The following ADAMTSL2 variants were observed in gnomAD, a reference collection of about 807,000 sequenced individuals.
ADAMTSL2 encodes the protein ADAMTS like 2.
In ADAMTSL2, 55 loss-of-function variants were observed where a neutral mutation model predicts 117.0. The observed-to-expected ratio is 0.47, with a 90% CI of 0.38 to 0.59. The LOEUF is 0.59. ADAMTSL2 is among the 20% of genes least tolerant of loss of function. The pLI is 0.00. For missense variants in ADAMTSL2, 1,182 were observed against 1,354.5 expected (o/e 0.87, Z 2.00); for synonymous variants, 572 against 566.4 (o/e 1.01, Z -0.14).
chr9:133,534,566 G>C (rs1000128646), upstream of ADAMTSL2: 2 of 1,039,846 alleles, frequency 1.9e-6, no homozygotes, highest in Non-Finnish European at 1.2e-6. Context: ...CGGCCTGGCC[G>C]GGCTCCAGAG....
At chr9:133,535,047 G>A in intron 1 of ADAMTSL2, 130 bp downstream of exon 1, 1 of 1,287,162 alleles carries the variant, frequency 7.8e-7, no homozygotes, top group South Asian at 2.4e-5. Context: ...GAGGCTTGTG[G>A]GGAGGGGTCG....
At chr9:133,533,155 G>A (rs1246373671), upstream of ADAMTSL2, among the ~76,000 whole-genome samples, 1 of 114,860 alleles carries the variant, frequency 8.7e-6, no homozygotes, top group African/African-American at 3.4e-5. Flanking sequence ...GACTGGGTGT[G>A]TGTGTGCCTG....
chr9:133,564,601 AGAGAGG>A lies in ADAMTSL2; in HGVS notation c.1748-2329_1748-2324del, dbSNP rs1285463603. 4.6e-4 allele frequency among the ~76,000 whole-genome samples: 22 copies of A among 47,350 alleles called. 2 individuals carry two copies. The highest frequency in any genetic ancestry group is 8.4e-4 in the Non-Finnish European group (19 of 22,750). 31.1% of individuals were successfully genotyped at this position (47,350 alleles called of 152,430 possible). A position where few individuals can be genotyped will look rare whatever the true frequency, so the allele number is the denominator to read the frequency against. On this transcript the variant is annotated intron_variant, in intron 12 of 18. Coordinates refer to ENST00000651351, the MANE Select transcript of ADAMTSL2 (RefSeq NM_014694.4). ...GAGAGAAGGAGAGAGAGAGGGGGAG[AGAGAGG>A]GAGAGAGAGAGAGAGAGGGAGAGAG...
chr9:133,560,284 C>T (rs952399708), intron 11 of ADAMTSL2, among the ~76,000 whole-genome samples: 1 of 152,176 alleles, frequency 6.6e-6, no homozygotes. Flanking sequence ...GCTGCACTGT[C>T]CAGTTTAAAA....
In ADAMTSL2 at chr9:133,554,814, C is replaced by G. The variant is rs1830569053; in HGVS notation, c.1276+121C>G. On this transcript the variant is annotated intron_variant, in intron 10 of 18. Transcript: ENST00000651351. This position sits in a 1 kb window ranked among gnomAD's most constrained non-coding sequence, Gnocchi z 5.2. ...AGAGGAGGTTCCTAAGAGCTGCCAGCTACCTGCAGATGTCCTCTGGGCAGG... is the reference window on the plus strand; with the variant it reads ...AGAGGAGGTTCCTAAGAGCTGCCAGGTACCTGCAGATGTCCTCTGGGCAGG... The G allele has an allele frequency of 8.0e-6, 7 of 879,720 alleles. No homozygotes were observed. The Admixed American group carries it at 1.5e-4, about 18-fold the overall frequency. 54.5% of individuals were successfully genotyped at this position (879,720 alleles called of 1,614,324 possible).
chr9:133,545,953 G>C (rs1427298646), intron 8 of ADAMTSL2, among the ~76,000 whole-genome samples: 1 of 152,040 alleles, frequency 6.6e-6, no homozygotes, highest in African/African-American at 2.4e-5. Context: ...GACATGTCCT[G>C]CTTGTTGCGT....
In ADAMTSL2 at chr9:133,568,677, C is replaced by A; in HGVS notation, c.2163C>A (p.Asp721Glu). Residue 721 changes from aspartate (D) to glutamate (E), a missense_variant, in exon 15 of 19, where the codon GAC (aspartate) becomes GAA (glutamate). Around this residue, in one of 3 missense-constraint regions of ADAMTSL2, gnomAD observed 465 missense variants for 565.3 expected, o/e 0.82. Coordinates refer to ENST00000651351, the MANE Select transcript of ADAMTSL2 (RefSeq NM_014694.4). ...IRCSEDEKLC[D>E]PNTRPVGEKN... ...GCTCGGAGGATGAGAAGCTGTGTGACCCCAACACCAGGCCTGTAGGGGAGA... is the reference window on the plus strand; with the variant it reads ...GCTCGGAGGATGAGAAGCTGTGTGAACCCAACACCAGGCCTGTAGGGGAGA... The A allele has an allele frequency of 6.2e-7, 1 of 1,613,460 alleles. No homozygotes were observed. Among genetic ancestry groups the A allele is most frequent in the Non-Finnish European group, 8.5e-7 (1 of 1,180,002 alleles).
intron 12 of ADAMTSL2, among the ~76,000 whole-genome samples, chr9:133,562,544 C>A (rs1281322487): frequency 2.0e-5 from 2 of 101,088 alleles, no homozygotes; most frequent in East Asian, 4.6e-4. Flanking sequence ...GGGCCCGGCT[C>A]GCACCGCCGT....
At chr9:133,543,455 C>T (rs1299511980) in intron 7 of ADAMTSL2, among the ~76,000 whole-genome samples, 2 of 152,236 alleles carry the variant, frequency 1.3e-5, no homozygotes, top group African/African-American at 4.8e-5. Context: ...GTGTTTACAC[C>T]ACGGAAATTG....
In ADAMTSL2 at chr9:133,541,077, C is replaced by T. The variant is rs1830212272; in HGVS notation, c.682+76C>T. 2.6e-6 allele frequency: 4 copies of T among 1,554,148 alleles called. No individual in the cohort carries two copies. The African/African-American group carries it at 4.1e-5, about 16-fold the overall frequency. On this transcript the variant is annotated intron_variant, in intron 7 of 18. Transcript: ENST00000651351. ...GGGGTCCTGAGTGTGCTCCTGTCTG[C>T]AGCCTCCTGTGTACCACTGGGCAAG...
Position 133,567,084 on chromosome 9 carries a change from G to A in ADAMTSL2, c.1874+22G>A, listed in dbSNP as rs888215526. 3.6e-5 allele frequency: 58 copies of A among 1,599,004 alleles called. No homozygotes were observed. The African/African-American group carries it at 4.3e-4, about 12-fold the overall frequency. On this transcript the variant is annotated intron_variant, in intron 13 of 18. Coordinates refer to ENST00000651351, the MANE Select transcript of ADAMTSL2 (RefSeq NM_014694.4). ...CCAGGTACCTGCCACCAGGGGCCCTGGGCAGGGGGTCGGCAGGGGGCGTGA... is the reference window on the plus strand; with the variant it reads ...CCAGGTACCTGCCACCAGGGGCCCTAGGCAGGGGGTCGGCAGGGGGCGTGA...
chr9:133,564,707 GGAGA>G (rs1205702337), intron 12 of ADAMTSL2, among the ~76,000 whole-genome samples: 1 of 115,960 alleles, frequency 8.6e-6, no homozygotes, highest in Non-Finnish European at 1.8e-5. Flanking sequence ...AGAGAGAGAA[GGAGA>G]GAGAGAGAGG....
rs1056779308 is a variant in ADAMTSL2 at position 133,568,692 on chromosome 9, T to C, written c.2178T>C (p.Pro726=). Residue 726 remains proline (P), a synonymous_variant, in exon 15 of 19, where the codon CCT becomes CCC. Transcript: ENST00000651351. ...AGCTGTGTGACCCCAACACCAGGCC[T>C]GTAGGGGAGAAGAACTGCACGGGCC... ...DEKLCDPNTR[P]VGEKNCTGPP... is the part of the protein sequence containing the mutation. 8.7e-6 allele frequency: 14 copies of C among 1,613,258 alleles called. No homozygotes were observed. The highest frequency in any genetic ancestry group is 1.3e-5 in the African/African-American group (1 of 74,904).
intron 12 of ADAMTSL2, among the ~76,000 whole-genome samples, chr9:133,565,605 G>A (rs1830950870): frequency 6.6e-6 from 1 of 152,170 alleles, no homozygotes; most frequent in African/African-American, 2.4e-5. Context: ...AGCCTGGCTC[G>A]TCCTTTACGG....
In ADAMTSL2 at chr9:133,568,627, A is replaced by C. The variant is rs1490883059; in HGVS notation, c.2113A>C (p.Ser705Arg). 1.3e-5 allele frequency: 21 copies of C among 1,611,448 alleles called. No individual in the cohort carries two copies. The highest frequency in any genetic ancestry group is 1.5e-5 in the Non-Finnish European group (18 of 1,179,460). Residue 705 changes from serine to arginine, a missense_variant, in exon 15 of 19, where the codon AGT becomes CGT. By Grantham distance (110) the Ser-to-Arg change is moderately radical (BLOSUM62 -1). Coordinates refer to ENST00000651351, the MANE Select transcript of ADAMTSL2 (RefSeq NM_014694.4). ...SECTAKCGER[S>R]VVTRDIRCSE... Reference sequence around the variant, plus strand: ...GTGCACTGCCAAGTGTGGGGAGCGCAGTGTGGTGACCAGGGACATCCGCTG... The same window carrying C: ...GTGCACTGCCAAGTGTGGGGAGCGCCGTGTGGTGACCAGGGACATCCGCTG...
intron 5 of ADAMTSL2, 148 bp downstream of exon 5, chr9:133,540,021 T>C: frequency 1.3e-6 from 1 of 764,036 alleles, no homozygotes. Context: ...CTGGGTCTCC[T>C]GAGCCCTGGC....
rs1304294473 is a variant in ADAMTSL2, at chr9:133,557,623, CTGTCTG to C, written c.1649+1699_1649+1704del. On this transcript the variant is annotated intron_variant, in intron 11 of 18. Transcript: ENST00000651351. This position sits in a 1 kb window ranked among gnomAD's most constrained non-coding sequence, Gnocchi z 5.2. Reference sequence around the variant, plus strand: ...AACGGCACTACTCAAGGCTGCCAGTCTGTCTGTGTCTTCAGCGTGGGCCCTCTTCAC... The same window carrying C: ...AACGGCACTACTCAAGGCTGCCAGTCTGTCTTCAGCGTGGGCCCTCTTCAC... 2.8e-4 allele frequency among the ~76,000 whole-genome samples: 43 copies of C among 152,194 alleles called. No individual in the cohort carries two copies. The highest frequency in any genetic ancestry group is 5.7e-4 in the Non-Finnish European group (39 of 68,020).
intron 17 of ADAMTSL2, 56 bp downstream of exon 17, chr9:133,570,563 C>G (rs1831082407): frequency 3.9e-6 from 6 of 1,544,344 alleles, no homozygotes; most frequent in Non-Finnish European, 4.4e-6. Flanking sequence ...GAATGTCGAT[C>G]CCGCCCCTCC....
At chr9:133,563,938 GGAGAGA>G (rs1830827719) in intron 12 of ADAMTSL2, among the ~76,000 whole-genome samples, 1 of 1,642 alleles carries the variant, frequency 6.1e-4, no homozygotes, top group Non-Finnish European at 1.2e-3. Flanking sequence ...AGAGAGAGAG[GGAGAGA>G]GAGAGAGAGA....
Sources: allele counts gnomAD v4.1 joint callset (sites outside exome capture counted in the v4.1 genomes callset), GRCh38; gene constraint gnomAD v4.1.1; regional missense constraint gnomAD v4.1.1; non-coding constraint Gnocchi (gnomAD v3.1); transcripts MANE v1.5; gene names NCBI Gene and HGNC (gene_info 2026-07-23, HGNC 2026-07-21).